Variants in SLC39A12 observed in about 807,000 individuals in gnomAD.
SLC39A12 encodes zinc transporter ZIP12.
Under a neutral mutation model 71.1 loss-of-function variants are expected in SLC39A12, and 63 were observed. The observed-to-expected ratio is 0.89, with a 90% CI of 0.72 to 1.09. The LOEUF (loss-of-function observed/expected upper bound fraction) is 1.09, where lower values mean the gene tolerates loss of function less well. Among genes scored for constraint, SLC39A12 ranks in the 50% least tolerant of loss-of-function variants. The pLI is 0.00. For missense variants in SLC39A12, 892 were observed against 812.6 expected, an observed-to-expected ratio of 1.10 and a Z score of -1.19; for synonymous variants, 351 against 301.3, an observed-to-expected ratio of 1.16 and a Z score of -1.71.
chr10:17,960,157 G>A (rs1371445074), intron 2 of SLC39A12, among the ~76,000 whole-genome samples: 1 of 152,068 alleles, frequency 6.6e-6, no homozygotes, highest in Non-Finnish European at 1.5e-5. Context: ...AATATGTATG[G>A]GAAACCAAAA....
At chr10:17,955,596 G>A (rs1290714378) in intron 2 of SLC39A12, among the ~76,000 whole-genome samples, 3 of 152,114 alleles carry the variant, frequency 2.0e-5, no homozygotes, top group East Asian at 3.9e-4. Flanking sequence ...AAATTCTATC[G>A]TAAAAAGAGA....
At chr10:17,992,450 G>T (rs531325219) in intron 8 of SLC39A12, among the ~76,000 whole-genome samples, 1 of 152,152 alleles carries the variant, frequency 6.6e-6, no homozygotes, top group Non-Finnish European at 1.5e-5. Flanking sequence ...AAACTAGGAT[G>T]CTATGGTAAT....
chr10:17,953,218 A>G lies in SLC39A12; in HGVS notation c.-59A>G. The G allele has an allele frequency of 6.4e-7, 1 of 1,564,324 alleles. No individual in the cohort carries two copies. Among genetic ancestry groups the G allele is most frequent in the South Asian group, 1.2e-5 (1 of 82,474 alleles). Reference sequence around the variant, plus strand: ...ATTCCTTTGGTTACAAGTTTACCCCATAAACGGCAACACACTCACCTCCAT... The same window carrying G: ...ATTCCTTTGGTTACAAGTTTACCCCGTAAACGGCAACACACTCACCTCCAT... On this transcript the variant is annotated 5_prime_UTR_variant, in exon 2 of 13. Coordinates refer to ENST00000377369, the MANE Select transcript of SLC39A12 (RefSeq NM_001145195.2).
intron 5 of SLC39A12, among the ~76,000 whole-genome samples, chr10:17,979,827 C>G (rs1835208009): frequency 6.6e-6 from 1 of 152,102 alleles, no homozygotes; most frequent in Non-Finnish European, 1.5e-5. Context: ...CAAGAGGCAC[C>G]ATCTGTGGCT....
Position 17,993,238 on chromosome 10 carries a change from T to A in SLC39A12, c.1480T>A (p.Ser494Thr), listed in dbSNP as rs2130829125. The change falls in exon 9 of 13, where the codon TCT becomes ACT. Residue 494 changes from serine (S) to threonine (T), a missense_variant. Physicochemically the swap from Ser to Thr is moderately conservative, Grantham distance 58. Transcript: ENST00000377369. The stretch of plus-strand genomic sequence containing the variant: ...TCATTCCCACCATCTTGCACTCAAC[T>A]CTGAATTAAGTGACCAGGCAGGCAG... ...VGHSHHLALNSELSDQAGRGK... is the reference protein window; with the variant it reads ...VGHSHHLALNTELSDQAGRGK... The A allele has an allele frequency of 1.3e-6, 2 of 1,551,988 alleles. No homozygotes were observed. The highest frequency in any genetic ancestry group is 2.4e-5 in the South Asian group (2 of 84,058).
intron 6 of SLC39A12, among the ~76,000 whole-genome samples, chr10:17,984,238 C>T (rs962405658): frequency 1.3e-5 from 2 of 152,220 alleles, no homozygotes; most frequent in Non-Finnish European, 2.9e-5. Context: ...GGTTTTGAGG[C>T]TGTCGTTCCT....
chr10:17,986,155 T>C (rs1297620820), intron 6 of SLC39A12, among the ~76,000 whole-genome samples: 2 of 152,154 alleles, frequency 1.3e-5, no homozygotes, highest in Non-Finnish European at 2.9e-5. Context: ...AAGCTTAAGA[T>C]ATGATTAAAG....
At chr10:17,965,883 A>C (rs1056802988) in intron 4 of SLC39A12, among the ~76,000 whole-genome samples, 193 bp downstream of exon 4, 5 of 152,224 alleles carry the variant, frequency 3.3e-5, no homozygotes, top group African/African-American at 1.2e-4. Context: ...TGCGGTGATG[A>C]GGCAAAAACA....
chr10:17,980,889 G>C (rs1835236989), intron 5 of SLC39A12, among the ~76,000 whole-genome samples: 1 of 152,112 alleles, frequency 6.6e-6, no homozygotes. Flanking sequence ...AAATCAAACA[G>C]TATGAAAGAC....
chr10:18,036,948 G>C (rs1378632836), intron 12 of SLC39A12, among the ~76,000 whole-genome samples: 3 of 151,238 alleles, frequency 2.0e-5, no homozygotes, highest in African/African-American at 7.3e-5. Context: ...CACCATGCCT[G>C]GCTAATTTTT....
intron 12 of SLC39A12, among the ~76,000 whole-genome samples, chr10:18,041,549 CA>C (rs1837226586): frequency 7.0e-6 from 1 of 142,074 alleles, no homozygotes; most frequent in Admixed American, 7.4e-5. Flanking sequence ...CACACACACA[CA>C]CACACACGCA....
intron 10 of SLC39A12, among the ~76,000 whole-genome samples, chr10:17,999,121 C>G (rs956831040): frequency 1.3e-5 from 2 of 151,764 alleles, no homozygotes; most frequent in South Asian, 2.1e-4. Context: ...TGTGGTGAAA[C>G]CCCGTCTCTA....
rs754222274 is a variant in SLC39A12 at position 17,965,563 on chromosome 10, G to A, written c.624G>A (p.Leu208=). ...EGANESTLPQ[L]AAMIITLSLQ... ...CTAATGAAAGTACGCTTCCTCAGTT[G>A]GCAGCCATGATCATTACTTTGTCCC... Residue 208 remains leucine, a synonymous_variant, in exon 4 of 13, where the codon TTG becomes TTA. Transcript: ENST00000377369. The A allele has an allele frequency of 3.1e-6, 5 of 1,614,200 alleles. No homozygotes were observed. In the Admixed American group the frequency reaches 6.7e-5, roughly 22 times the overall value.
chr10:17,973,842 C>G (rs921903304), intron 4 of SLC39A12, among the ~76,000 whole-genome samples: 2 of 150,670 alleles, frequency 1.3e-5, no homozygotes, highest in African/African-American at 4.9e-5. Flanking sequence ...TCTCTCTCCC[C>G]ATCTCCTCTT....
rs531399248 is a variant in SLC39A12, at chr10:17,981,477, C to G, written c.1090C>G (p.Leu364Val). The G allele has an allele frequency of 4.7e-5, 75 of 1,610,930 alleles. 2 individuals carry two copies. The South Asian group carries it at 8.2e-4, about 18-fold the overall frequency. Reference sequence around the variant, plus strand: ...ACAAGCAAAGCTGCCACCTACCACTCTGGAGAGTAAGTTCTGGATCTTCCT... The same window carrying G: ...ACAAGCAAAGCTGCCACCTACCACTGTGGAGAGTAAGTTCTGGATCTTCCT... ...DQQAKLPPTTLEKYGYSTVAV... is the reference protein window; with the variant it reads ...DQQAKLPPTTVEKYGYSTVAV... Residue 364 changes from leucine (L) to valine (V), a missense_variant, in exon 6 of 13, where the codon CTG becomes GTG. Transcript: ENST00000377369.
rs2478570 is a variant in SLC39A12 at position 17,983,565 on chromosome 10, C to T, written c.1096+2082C>T. On this transcript the variant is annotated intron_variant, in intron 6 of 12. Transcript: ENST00000377369. The stretch of plus-strand genomic sequence containing the variant: ...TTGGGAGGCCAAGGTGGGCAGCTCA[C>T]GAGGTCAGGAGTTCGAGACCAGCCT... 7.1e-3 allele frequency among the ~76,000 whole-genome samples: 1,081 copies of T among 152,128 alleles called. 45 individuals are homozygous for T. The highest frequency in any genetic ancestry group is 0.064 in the Admixed American group (972 of 15,258).
At position 17,973,286 on chromosome 10, in the gene SLC39A12, A is replaced by G. The variant is rs192822777; in HGVS notation, c.752-4616A>G. ...GATGGGAGTAGTTTACACAACAGTTACAGTGTTATAGAATTCTGTGTTTTT... is the reference window on the plus strand; with the variant it reads ...GATGGGAGTAGTTTACACAACAGTTGCAGTGTTATAGAATTCTGTGTTTTT... On this transcript the variant is annotated intron_variant, in intron 4 of 12. Transcript: ENST00000377369. 1.3e-3 allele frequency among the ~76,000 whole-genome samples: 200 copies of G among 152,222 alleles called. 1 individual carries two copies. The highest frequency in any genetic ancestry group is 4.6e-3 in the African/African-American group (190 of 41,568).
intron 12 of SLC39A12, among the ~76,000 whole-genome samples, chr10:18,036,779 TATATATATATATATA>T (rs1398046260): frequency 0.073 from 1,216 of 16,550 alleles, 67 homozygotes; most frequent in Non-Finnish European, 0.14. Context: ...TATATATATA[TATATATATATATATA>T]TTTTTTTTTT....
chr10:18,012,040 G>T (rs1366826448), intron 12 of SLC39A12, among the ~76,000 whole-genome samples: 1 of 152,136 alleles, frequency 6.6e-6, no homozygotes, highest in Non-Finnish European at 1.5e-5. Flanking sequence ...ATGTTAAGTT[G>T]TTTATTGAAC....
Sources: gnomAD v4.1 joint callset for allele counts (sites outside exome capture counted in the v4.1 genomes callset) on GRCh38, gnomAD v4.1.1 for gene constraint, MANE v1.5 for transcripts, NCBI Gene and HGNC (gene_info 2026-07-23, HGNC 2026-07-21) for gene names.